DMXL2: variants seen among roughly 807,000 people sequenced by gnomAD.
DMXL2 encodes Dmx like 2, also known as dmX-like protein 2.
DMXL2 carries 103 observed loss-of-function variants against 331.1 expected under a neutral mutation model. The ratio of observed to expected loss-of-function variants is 0.31; its 90% CI spans 0.27 to 0.37. The LOEUF (loss-of-function observed/expected upper bound fraction) is 0.37. DMXL2 is among the 10% of genes least tolerant of loss of function. DMXL2 has a pLI of 1.00. For synonymous variants in DMXL2, 1,281 were observed against 1,252.1 expected (o/e 1.02, Z -0.49); for missense variants, 3,171 against 3,642.9 (o/e 0.87, Z 3.33).
chr15:51,571,775 A>G (rs1000894003), intron 2 of DMXL2, among the ~76,000 whole-genome samples: 2 of 152,210 alleles, frequency 1.3e-5, no homozygotes, highest in Non-Finnish European at 2.9e-5. Flanking sequence ...TCTCTGGGAC[A>G]CATTCAAAGC....
chr15:51,559,261 C>T (rs2049798936), intron 6 of DMXL2, among the ~76,000 whole-genome samples: 1 of 152,138 alleles, frequency 6.6e-6, no homozygotes, highest in African/African-American at 2.4e-5. Flanking sequence ...AGCTCATACC[C>T]ATAATAAAGA....
intron 6 of DMXL2, among the ~76,000 whole-genome samples, chr15:51,555,951 G>C (rs1298222925): frequency 6.6e-6 from 1 of 152,126 alleles, no homozygotes; most frequent in African/African-American, 2.4e-5. Context: ...CCATTTATAA[G>C]GCCAGCATAA....
intron 1 of DMXL2, among the ~76,000 whole-genome samples, chr15:51,581,542 C>T (rs914620156): frequency 6.6e-6 from 1 of 151,950 alleles, no homozygotes; most frequent in Non-Finnish European, 1.5e-5. Flanking sequence ...TGTGAAGAGG[C>T]ATAACACACT....
intron 1 of DMXL2, among the ~76,000 whole-genome samples, chr15:51,619,538 A>G (rs1812462595): frequency 6.6e-6 from 1 of 152,214 alleles, no homozygotes. Context: ...TCACGACATC[A>G]AGTAGTCATT....
At chr15:51,599,532 A>C (rs2053077519) in intron 1 of DMXL2, among the ~76,000 whole-genome samples, 1 of 152,228 alleles carries the variant, frequency 6.6e-6, no homozygotes, top group African/African-American at 2.4e-5. Context: ...ATACCTATAC[A>C]TCACTGCTCT....
intron 17 of DMXL2, among the ~76,000 whole-genome samples, chr15:51,500,902 T>C (rs2043545119): frequency 1.3e-5 from 2 of 152,224 alleles, no homozygotes; most frequent in South Asian, 4.1e-4. Flanking sequence ...AAGATCTGGA[T>C]TTGAGTTTCA....
At chr15:51,467,887 C>T (rs903690097) in intron 29 of DMXL2, among the ~76,000 whole-genome samples, 14 of 152,114 alleles carry the variant, frequency 9.2e-5, no homozygotes, top group South Asian at 6.2e-4. Context: ...CCACCACGCC[C>T]GGCTAATTTT....
chr15:51,554,080 T>C (rs1026396883), intron 6 of DMXL2, among the ~76,000 whole-genome samples: 2 of 152,216 alleles, frequency 1.3e-5, no homozygotes, highest in African/African-American at 4.8e-5. Flanking sequence ...TAGGAAAACA[T>C]GCTCCAAATG....
chr15:51,491,656 G>C lies in DMXL2; in HGVS notation c.4875C>G (p.Pro1625=). Residue 1625 remains proline, a synonymous_variant, in exon 20 of 44, where the codon CCC becomes CCG. Transcript: ENST00000560891. Reference sequence around the variant, plus strand: ...CCATAGCTCTTAATTCAGACCACTGGGGGTCCCCTCTCTGAATTGCTGGAA... The same window carrying C: ...CCATAGCTCTTAATTCAGACCACTGCGGGTCCCCTCTCTGAATTGCTGGAA... ...NMIPAIQRGD[P]QWSELRAMGI... 1 of 1,613,426 alleles carries C rather than the reference G, an allele frequency of 6.2e-7. No homozygotes were observed. Among genetic ancestry groups the C allele is most frequent in the Non-Finnish European group, 8.5e-7 (1 of 1,179,722 alleles).
chr15:51,610,624 C>T (rs1339025970), intron 1 of DMXL2, among the ~76,000 whole-genome samples: 9 of 152,124 alleles, frequency 5.9e-5, no homozygotes, highest in Admixed American at 1.3e-4. Context: ...AAAAATTAGC[C>T]GGGCATGGTG....
chr15:51,523,417 T>C (rs987267736), intron 13 of DMXL2, among the ~76,000 whole-genome samples: 2 of 152,212 alleles, frequency 1.3e-5, no homozygotes, highest in African/African-American at 4.8e-5. Context: ...TTCCTGACTA[T>C]GCAACTACAA....
chr15:51,468,500 A>AC (rs1427061530), intron 29 of DMXL2, among the ~76,000 whole-genome samples: 2 of 152,148 alleles, frequency 1.3e-5, no homozygotes, highest in Non-Finnish European at 2.9e-5. Flanking sequence ...AAGCAAAACA[A>AC]AACTCACTGG....
intron 37 of DMXL2, 157 bp downstream of exon 37, chr15:51,457,171 C>G: frequency 2.4e-6 from 2 of 830,762 alleles, no homozygotes; most frequent in Non-Finnish European, 1.8e-6. Flanking sequence ...GACCCTGTCA[C>G]CAAATAAAAA....
intron 1 of DMXL2, among the ~76,000 whole-genome samples, chr15:51,587,280 T>C (rs1417389688): frequency 6.6e-6 from 1 of 152,186 alleles, no homozygotes; most frequent in African/African-American, 2.4e-5. Flanking sequence ...AACTCATCAT[T>C]TAGCATTAGG....
chr15:51,514,555 C>T lies in DMXL2; in HGVS notation c.2531G>A (p.Gly844Asp), dbSNP rs2046925927. The T allele has an allele frequency of 6.4e-6, 10 of 1,568,630 alleles. No individual in the cohort carries two copies. The East Asian group carries it at 2.1e-4, about 33-fold the overall frequency. Residue 844 changes from glycine (G) to aspartate (D), a missense_variant, in exon 15 of 44, where the codon GGC becomes GAC. Gly to Asp is a moderately conservative substitution (Grantham distance 94). This residue lies in a region of DMXL2 where 1,674 missense variants were observed against 1,780.2 expected (regional missense o/e 0.94). Transcript: ENST00000560891. ...CACATGAAGCAACTGTGTATTTGAG[C>T]CACACTACAAATACAAAAAAAAATG... is the stretch of plus-strand genomic sequence containing the variant. Reference protein sequence around the residue: ...IELDAITNQCGSNTQLLHVFQ... With the variant: ...IELDAITNQCDSNTQLLHVFQ...
At chr15:51,490,732 C>T (rs2042734357) in intron 20 of DMXL2, among the ~76,000 whole-genome samples, 1 of 152,094 alleles carries the variant, frequency 6.6e-6, no homozygotes. Context: ...GAATTTTTTT[C>T]CTAAAAGGAA....
intron 13 of DMXL2, among the ~76,000 whole-genome samples, chr15:51,521,735 A>G (rs1401712581): frequency 1.3e-5 from 2 of 152,156 alleles, no homozygotes; most frequent in African/African-American, 4.8e-5. Flanking sequence ...CTATATGTAC[A>G]TATTTATATG....
rs569556118 is a variant in DMXL2, at chr15:51,496,401, G to C, written c.4673-1267C>G. ...TGGCCAGGAAGGAACTCTCCAATAAGATGACATGCCAGCAGCAATTTGAGG... is the reference window on the plus strand; with the variant it reads ...TGGCCAGGAAGGAACTCTCCAATAACATGACATGCCAGCAGCAATTTGAGG... On this transcript the variant is annotated intron_variant, in intron 18 of 43. Transcript: ENST00000560891. Among the ~76,000 whole-genome samples, 55 of 152,282 alleles carry C rather than the reference G, an allele frequency of 3.6e-4. No individual in the cohort carries two copies. In the Middle Eastern group the frequency reaches 0.01, roughly 28 times the overall value.
At chr15:51,482,949 C>G (rs1317898939) in intron 23 of DMXL2, among the ~76,000 whole-genome samples, 1 of 152,176 alleles carries the variant, frequency 6.6e-6, no homozygotes, top group African/African-American at 2.4e-5. Flanking sequence ...CCTGTGGTGA[C>G]TGCAAGTCTA....
Sources: gnomAD v4.1 joint callset for allele counts (sites outside exome capture counted in the v4.1 genomes callset) on GRCh38, gnomAD v4.1.1 for gene constraint, gnomAD v4.1.1 regional missense constraint, MANE v1.5 for transcripts, NCBI Gene and HGNC (gene_info 2026-07-23, HGNC 2026-07-21) for gene names.